The following ISLR2 variants were observed in gnomAD, a reference collection of about 807,000 sequenced individuals.
ISLR2 encodes immunoglobulin superfamily containing leucine-rich repeat protein 2.
In ISLR2, 16 loss-of-function variants were observed where a neutral mutation model predicts 25.5. That is an observed-to-expected ratio of 0.63 (90% CI 0.43 to 0.95). The LOEUF (loss-of-function observed/expected upper bound fraction) is 0.95. ISLR2 is among the 40% of genes least tolerant of loss of function. ISLR2 has a pLI of 0.00. For missense variants in ISLR2, 883 were observed against 1,030.7 expected, an observed-to-expected ratio of 0.86 and a Z score of 1.96; for synonymous variants, 508 against 486.6, an observed-to-expected ratio of 1.04 and a Z score of -0.58.
intron 2 of ISLR2, among the ~76,000 whole-genome samples, chr15:74,118,856 AC>A (rs1260228240): frequency 1.3e-5 from 2 of 151,858 alleles, no homozygotes; most frequent in African/African-American, 4.8e-5. Context: ...ACGGGGTTTC[AC>A]TGTGTTAGCC....
chr15:74,100,856 GATCTT>G (rs2072079110), intron 1 of ISLR2, among the ~76,000 whole-genome samples: 1 of 151,342 alleles, frequency 6.6e-6, no homozygotes, highest in South Asian at 2.1e-4. Context: ...AACATCACTA[GATCTT>G]ATCTTAATTT....
chr15:74,121,468 C>T (rs909949749), intron 2 of ISLR2, among the ~76,000 whole-genome samples: 1 of 152,042 alleles, frequency 6.6e-6, no homozygotes, highest in African/African-American at 2.4e-5. Flanking sequence ...TCCTGGGAGG[C>T]GCTGCACTGA....
At chr15:74,124,369 A>C (rs568452575), upstream of ISLR2, among the ~76,000 whole-genome samples, 1 of 152,220 alleles carries the variant, frequency 6.6e-6, no homozygotes, top group South Asian at 2.1e-4. Flanking sequence ...TGGTTCAGAG[A>C]TAAACAGTCC....
At position 74,134,505 on chromosome 15, in the gene ISLR2, A is replaced by G. The variant is rs2072521127; in HGVS notation, c.1751A>G (p.Lys584Arg). The G allele has an allele frequency of 3.1e-6, 5 of 1,613,782 alleles. No homozygotes were observed. The highest frequency in any genetic ancestry group is 1.7e-5 in the Admixed American group (1 of 60,008). The change falls in exon 3 of 3, where the codon AAG (lysine) becomes AGG (arginine). Residue 584 changes from lysine (K) to arginine (R), a missense_variant. Lys to Arg is a conservative substitution (Grantham distance 26). Around this residue, in one of 2 missense-constraint regions of ISLR2, gnomAD observed 612 missense variants for 642.8 expected, o/e 0.95. Transcript: ENST00000453268. Reference protein sequence around the residue: ...ACHVQVVFSTKKELPSLLVIV... With the variant: ...ACHVQVVFSTRKELPSLLVIV... ...CACGTGCAAGTGGTGTTTTCCACCA[A>G]GAAGGAGCTCCCATCGCTGCTGGTC... is the stretch of plus-strand genomic sequence containing the variant.
In ISLR2 at chr15:74,134,065, G is replaced by A. The variant is rs575724173; in HGVS notation, c.1311G>A (p.Glu437=). Residue 437 remains glutamate (E), a synonymous_variant, in exon 3 of 3, where the codon GAG becomes GAA. Coordinates refer to ENST00000453268, the MANE Select transcript of ISLR2 (RefSeq NM_020851.3). ...GGGAGACCGAGACGGAGCCGGAGGA[G>A]GACACAAGTGAGGGAGAGGAGGCCG... The part of the protein sequence containing the change: ...ILGETETEPE[E]DTSEGEEAED... 9.3e-6 allele frequency: 15 copies of A among 1,613,684 alleles called. No homozygotes were observed. Among genetic ancestry groups the A allele is most frequent in the Non-Finnish European group, 1.3e-5 (15 of 1,179,840 alleles).
At chr15:74,124,743 G>C (rs1032120184), upstream of ISLR2, among the ~76,000 whole-genome samples, 2 of 152,094 alleles carry the variant, frequency 1.3e-5, no homozygotes, top group Admixed American at 1.3e-4. Flanking sequence ...TGAGTAACAA[G>C]AGTGAGACTC....
At chr15:74,126,863 A>C (rs1336640858), upstream of ISLR2, 2 of 152,016 alleles carry the variant, frequency 1.3e-5, no homozygotes, top group Admixed American at 1.3e-4. Context: ...AAAGGAAAGC[A>C]GCTTCTTGAG....
At chr15:74,121,028 C>A (rs1416628307) in intron 2 of ISLR2, among the ~76,000 whole-genome samples, 1 of 151,898 alleles carries the variant, frequency 6.6e-6, no homozygotes, top group African/African-American at 2.4e-5. Flanking sequence ...CTTCCTCTCT[C>A]ACTCTCCTCT....
At chr15:74,109,052 T>C (rs994749962) in intron 2 of ISLR2, among the ~76,000 whole-genome samples, 3 of 152,252 alleles carry the variant, frequency 2.0e-5, no homozygotes, top group Non-Finnish European at 4.4e-5. Flanking sequence ...AACTAAACAT[T>C]ATTGTGTTAA....
chr15:74,130,211 G>C (rs2072376546), upstream of ISLR2: 1 of 146,304 alleles, frequency 6.8e-6, no homozygotes, highest in Admixed American at 6.7e-5. Context: ...AGGCGGGGCG[G>C]GGGGGTTGGG....
chr15:74,124,350 A>T (rs2072274717), upstream of ISLR2, among the ~76,000 whole-genome samples: 2 of 151,974 alleles, frequency 1.3e-5, no homozygotes, highest in Non-Finnish European at 2.9e-5. Flanking sequence ...CATCCCCTTC[A>T]CCAGTGACTG....
Position 74,136,480 on chromosome 15 carries a change from G to A in ISLR2, c.*1488G>A. The A allele has an allele frequency of 6.1e-6, 1 of 163,576 alleles. No homozygotes were observed. The allele number at this position is 163,576 out of a possible 1,614,324, so 10.1% of individuals were successfully genotyped here. On this transcript the variant is annotated 3_prime_UTR_variant, in exon 3 of 3. Transcript: ENST00000453268. ...TCGGCGGGAATCGTGTTTGCCCGGC[G>A]TGTAGTCCCTGACAAGCGTGCCCTG...
upstream of ISLR2, chr15:74,125,967 G>A (rs190647192): frequency 6.6e-6 from 1 of 152,258 alleles, no homozygotes; most frequent in Non-Finnish European, 1.5e-5. Context: ...CTGCAGTTGC[G>A]GGTCTCTCTT....
In ISLR2 at chr15:74,134,098, G is replaced by A. The variant is rs529527896; in HGVS notation, c.1344G>A (p.Gln448=). The A allele has an allele frequency of 1.1e-4, 180 of 1,613,676 alleles. 2 individuals carry two copies. The South Asian group carries it at 2.0e-3, about 18-fold the overall frequency. ...DTSEGEEAED[Q]ILADPAEEQR... is the part of the protein sequence containing the mutation. Reference sequence around the variant, plus strand: ...GTGAGGGAGAGGAGGCCGAAGACCAGATCCTCGCGGACCCGGCGGAGGAGC... The same window carrying A: ...GTGAGGGAGAGGAGGCCGAAGACCAAATCCTCGCGGACCCGGCGGAGGAGC... Residue 448 remains glutamine, a synonymous_variant, in exon 3 of 3, where the codon CAG becomes CAA. Transcript: ENST00000453268.
chr15:74,130,308 C>T (rs1220160697), upstream of ISLR2: 1 of 151,904 alleles, frequency 6.6e-6, no homozygotes, highest in Non-Finnish European at 1.5e-5. Flanking sequence ...CTAACACTAT[C>T]AATTATGCAT....
At chr15:74,125,157 A>G (rs934806454), upstream of ISLR2, among the ~76,000 whole-genome samples, 4 of 152,068 alleles carry the variant, frequency 2.6e-5, no homozygotes, top group African/African-American at 9.7e-5. Context: ...TCCTGCCTGA[A>G]TTGGGGTGGG....
upstream of ISLR2, among the ~76,000 whole-genome samples, chr15:74,124,318 A>G (rs546784167): frequency 6.6e-6 from 1 of 152,100 alleles, no homozygotes; most frequent in East Asian, 1.9e-4. Context: ...GGGCCAGATA[A>G]TTATTCTGAA....
upstream of ISLR2, among the ~76,000 whole-genome samples, chr15:74,123,585 C>T (rs1440352421): frequency 6.6e-6 from 1 of 152,140 alleles, no homozygotes; most frequent in Non-Finnish European, 1.5e-5. Flanking sequence ...GTGGTCTGCC[C>T]CACTTTGCAC....
upstream of ISLR2, chr15:74,128,350 G>A: frequency 2.4e-6 from 1 of 423,224 alleles, no homozygotes; most frequent in Admixed American, 3.2e-5. Context: ...GGGAACAAAA[G>A]CATTTGCTGT....
Sources: allele counts gnomAD v4.1 joint callset (sites outside exome capture counted in the v4.1 genomes callset), GRCh38; gene constraint gnomAD v4.1.1; regional missense constraint gnomAD v4.1.1; transcripts MANE v1.5; gene names NCBI Gene and HGNC (gene_info 2026-07-23, HGNC 2026-07-21).